The following CRHR2 variants were observed in gnomAD, a reference collection of about 807,000 sequenced individuals.
CRHR2 encodes corticotropin releasing hormone receptor 2.
A neutral mutation model predicts 57.9 loss-of-function variants in CRHR2; 53 were observed. The ratio of observed to expected loss-of-function variants is 0.92; its 90% CI spans 0.73 to 1.15. The LOEUF (loss-of-function observed/expected upper bound fraction) is 1.15. CRHR2 is among the 50% of genes most tolerant of loss of function. CRHR2 has a pLI of 0.00. For missense variants in CRHR2, 532 were observed against 542.6 expected (o/e 0.98, Z 0.19); for synonymous variants, 213 against 220.9 (o/e 0.96, Z 0.32).
At chr7:30,700,080 G>A (rs749800665) in exon 1 of CRHR2, 4 of 1,277,802 alleles carry the variant, frequency 3.1e-6, no homozygotes, top group East Asian at 3.1e-5. Flanking sequence ...TGCCCAGCAC[G>A]GTGGTCACAC....
intron 7 of CRHR2, among the ~76,000 whole-genome samples, 191 bp from the exon 8 acceptor site, chr7:30,660,836 C>T (rs1202905726): frequency 6.6e-6 from 1 of 152,256 alleles, no homozygotes; most frequent in African/African-American, 2.4e-5. Flanking sequence ...TTTTGCTCTA[C>T]ATGGTGGGTC....
At chr7:30,661,123 C>T (rs556846431) in intron 7 of CRHR2, among the ~76,000 whole-genome samples, 5 of 152,348 alleles carry the variant, frequency 3.3e-5, no homozygotes, top group South Asian at 2.1e-4. Context: ...TGGGATTTTG[C>T]GTCTTTGAGC....
In CRHR2 at chr7:30,653,718, G is replaced by A. The variant is rs1182597720; in HGVS notation, c.1096-118C>T. The A allele has an allele frequency of 3.9e-6, 5 of 1,279,298 alleles. No individual in the cohort carries two copies. The African/African-American group carries it at 4.5e-5, about 12-fold the overall frequency. The allele number at this position is 1,279,298 out of a possible 1,614,324, so 79.2% of individuals were successfully genotyped here. On this transcript the variant is annotated intron_variant, in intron 11 of 11. Coordinates refer to ENST00000471646, the MANE Select transcript of CRHR2 (RefSeq NM_001883.5). The surrounding 1 kb of genome is among the most constrained non-coding windows in gnomAD (Gnocchi z 5.0). The stretch of plus-strand genomic sequence containing the variant: ...ACTGCCACCCTCATGACAAGGAACT[G>A]TCTGCTTCCAAAACAGGTCCTTCCC...
At chr7:30,676,962 G>A (rs1277415177) in intron 2 of CRHR2, among the ~76,000 whole-genome samples, 6 of 152,184 alleles carry the variant, frequency 3.9e-5, no homozygotes, top group Admixed American at 1.3e-4. Context: ...AGGACATTGC[G>A]GAGCTTGAGG....
chr7:30,687,941 G>A (rs543117291), intron 2 of CRHR2, among the ~76,000 whole-genome samples: 5 of 152,320 alleles, frequency 3.3e-5, no homozygotes, highest in South Asian at 4.2e-4. Flanking sequence ...GTGAGCCTCC[G>A]AGGTGGACTT....
intron 1 of CRHR2, among the ~76,000 whole-genome samples, chr7:30,695,987 A>C (rs941429524): frequency 1.3e-5 from 2 of 152,340 alleles, no homozygotes. Flanking sequence ...AGTAAAATAA[A>C]ATAAGCTTAT....
intron 3 of CRHR2, among the ~76,000 whole-genome samples, chr7:30,666,842 C>T (rs889162682): frequency 1.1e-4 from 16 of 152,210 alleles, no homozygotes; most frequent in Non-Finnish European, 2.4e-4. Context: ...TGGGGGGCTG[C>T]ATTTGTTTCC....
chr7:30,653,302 A>G lies in CRHR2; in HGVS notation c.*158T>C. On this transcript the variant is annotated 3_prime_UTR_variant, in exon 12 of 12. Transcript: ENST00000471646. This position sits in a 1 kb window ranked among gnomAD's most constrained non-coding sequence, Gnocchi z 5.0. ...GCCCCCACTCATCCCTGTCCCTTGCAGTCCCCCTTGGCTGCCGCACCCCCT... is the reference window on the plus strand; with the variant it reads ...GCCCCCACTCATCCCTGTCCCTTGCGGTCCCCCTTGGCTGCCGCACCCCCT... 1.9e-6 allele frequency: 2 copies of G among 1,064,164 alleles called. No individual in the cohort carries two copies. The highest frequency in any genetic ancestry group is 3.1e-5 in the South Asian group (2 of 64,486). The allele number at this position is 1,064,164 out of a possible 1,614,324, so 65.9% of individuals were successfully genotyped here. A position where few individuals can be genotyped will look rare whatever the true frequency, so the allele number is the denominator to read the frequency against.
At chr7:30,666,517 C>T (rs1007368408) in intron 3 of CRHR2, among the ~76,000 whole-genome samples, 5 of 152,220 alleles carry the variant, frequency 3.3e-5, no homozygotes, top group African/African-American at 9.6e-5. Flanking sequence ...GCTGGAGGCC[C>T]CCCTGCCCAT....
At chr7:30,661,623 C>G (rs552689154) in intron 7 of CRHR2, among the ~76,000 whole-genome samples, 26 of 152,314 alleles carry the variant, frequency 1.7e-4, no homozygotes, top group African/African-American at 5.8e-4. Flanking sequence ...ACCTGACTTT[C>G]TGGCTGCTCC....
chr7:30,679,102 G>A (rs1266527348), intron 2 of CRHR2, among the ~76,000 whole-genome samples: 1 of 152,084 alleles, frequency 6.6e-6, no homozygotes, highest in East Asian at 1.9e-4. Context: ...CTGTCTCCTT[G>A]CCTTTGCTCA....
In CRHR2 at chr7:30,655,722, G is replaced by A. The variant is rs948937833; in HGVS notation, c.918-7C>T. The stretch of plus-strand genomic sequence containing the variant: ...GGTGGCCTTCACTGCCTTCCTGGGG[G>A]CGAGAGGTGGACACAGGTCTGAGCC... On this transcript the variant is annotated splice_polypyrimidine_tract_variant and splice_region_variant and intron_variant, in intron 9 of 11. Coordinates refer to ENST00000471646, the MANE Select transcript of CRHR2 (RefSeq NM_001883.5). 1.2e-6 allele frequency: 2 copies of A among 1,612,428 alleles called. No homozygotes were observed. The highest frequency in any genetic ancestry group is 1.7e-6 in the Non-Finnish European group (2 of 1,179,046).
chr7:30,691,389 C>T (rs1315231726), intron 1 of CRHR2, among the ~76,000 whole-genome samples: 1 of 152,168 alleles, frequency 6.6e-6, no homozygotes, highest in Non-Finnish European at 1.5e-5. Context: ...CTCTCAAAGC[C>T]CCTGAGCTGT....
At position 30,655,914 on chromosome 7, in the gene CRHR2, CCCCCTCACA is replaced by C. The variant is rs1285371391; in HGVS notation, c.917+4_917+12del. 1.9e-6 allele frequency: 3 copies of C among 1,613,280 alleles called. No homozygotes were observed. The highest frequency in any genetic ancestry group is 1.7e-5 in the Admixed American group (1 of 60,004). Reference sequence around the variant, plus strand: ...CTGTCCCCATTGTGGGGTCAAGGGACCCCCTCACATACCTGTACTGGATTGTCTCGGATG... The same window carrying C: ...CTGTCCCCATTGTGGGGTCAAGGGACTACCTGTACTGGATTGTCTCGGATG... On this transcript the variant is annotated splice_donor_5th_base_variant and intron_variant, in intron 9 of 11. Transcript: ENST00000471646.
chr7:30,660,572 C>A lies in CRHR2; in HGVS notation c.831+1G>T, dbSNP rs1783959262. The stretch of plus-strand genomic sequence containing the variant: ...CATCCCAGCCACCGCTGAGGGCTTA[C>A]CAGGAGCACGAGAATGATGGGGCCT... On this transcript the variant is annotated splice_donor_variant, in intron 8 of 11. Coordinates refer to ENST00000471646, the MANE Select transcript of CRHR2 (RefSeq NM_001883.5). LOFTEE classifies it high-confidence loss of function. 3 of 1,560,876 alleles carry A rather than the reference C, an allele frequency of 1.9e-6. No homozygotes were observed. Among genetic ancestry groups the A allele is most frequent in the South Asian group, 2.4e-5 (2 of 84,556 alleles).
chr7:30,680,818 TTGTGTGTGTGTGTGTG>T (rs60568949), intron 2 of CRHR2, among the ~76,000 whole-genome samples: 4 of 145,368 alleles, frequency 2.8e-5, no homozygotes, highest in African/African-American at 5.2e-5. Context: ...TTCTGAAAGC[TTGTGTGTGTGTGTGTG>T]TGTGTGTGTG....
intron 2 of CRHR2, among the ~76,000 whole-genome samples, chr7:30,671,828 G>C (rs1022828730): frequency 6.8e-6 from 1 of 146,444 alleles, no homozygotes; most frequent in Non-Finnish European, 1.5e-5. Flanking sequence ...TGATGATGAT[G>C]ATGATGATGA....
intron 2 of CRHR2, among the ~76,000 whole-genome samples, chr7:30,674,897 A>G (rs1784469949): frequency 6.6e-6 from 1 of 152,020 alleles, no homozygotes; most frequent in Non-Finnish European, 1.5e-5. Flanking sequence ...CCCCTTGCTG[A>G]CAATGCCTTA....
At chr7:30,670,711 G>T (rs1446856871) in intron 2 of CRHR2, among the ~76,000 whole-genome samples, 1 of 152,218 alleles carries the variant, frequency 6.6e-6, no homozygotes, top group African/African-American at 2.4e-5. Flanking sequence ...TCCACCCCGT[G>T]GGAAACGTAG....
Sources: allele counts gnomAD v4.1 joint callset (sites outside exome capture counted in the v4.1 genomes callset), GRCh38; gene constraint gnomAD v4.1.1; non-coding constraint Gnocchi (gnomAD v3.1); transcripts MANE v1.5; gene names NCBI Gene and HGNC (gene_info 2026-07-23, HGNC 2026-07-21).